ITPR3: variants seen among roughly 807,000 people sequenced by gnomAD.
The protein encoded by ITPR3 is inositol 1,4,5-trisphosphate-gated calcium channel ITPR3.
In ITPR3, 173 loss-of-function variants were observed where a neutral mutation model predicts 293.2. That is an observed-to-expected ratio of 0.59 (90% CI 0.52 to 0.67). The LOEUF (loss-of-function observed/expected upper bound fraction) is 0.67. Ranked by LOEUF, ITPR3 falls within the 30% of genes least tolerant of loss-of-function variation. The pLI, the probability that ITPR3 is intolerant of heterozygous loss-of-function variation, is 0.00. For synonymous variants in ITPR3, 1,295 were observed against 1,444.4 expected (o/e 0.90, Z 2.35); for missense variants, 2,796 against 3,592.1 (o/e 0.78, Z 5.66).
chr6:33,689,705 A>G (rs1765338199), intron 50 of ITPR3, among the ~76,000 whole-genome samples: 1 of 152,256 alleles, frequency 6.6e-6, no homozygotes, highest in Admixed American at 6.5e-5. Flanking sequence ...AGGCACTGCT[A>G]CGCGGCAGAC....
In ITPR3 at chr6:33,688,418, G is replaced by A; in HGVS notation, c.6555G>A (p.Gln2185=). The stretch of plus-strand genomic sequence containing the variant: ...TCCTGCACAACGAGATGGAGTGGCA[G>A]CGCAAGCTCCGCAGTGAGGACCCAC... The part of the protein sequence containing the change: ...SSFLHNEMEW[Q]RKLRSMPLIY... The change falls in exon 48 of 58, where the codon CAG becomes CAA. Residue 2185 remains glutamine (Q), a synonymous_variant. Coordinates refer to ENST00000605930, the MANE Select transcript of ITPR3 (RefSeq NM_002224.4). The A allele has an allele frequency of 8.0e-7, 1 of 1,257,214 alleles. No individual in the cohort carries two copies. 77.9% of individuals were successfully genotyped at this position (1,257,214 alleles called of 1,614,324 possible). A position where few individuals can be genotyped will look rare whatever the true frequency, so the allele number is the denominator to read the frequency against.
intron 7 of ITPR3, among the ~76,000 whole-genome samples, chr6:33,661,600 C>T (rs1057277125): frequency 1.3e-5 from 2 of 152,206 alleles, no homozygotes; most frequent in Non-Finnish European, 2.9e-5. Context: ...TTATAATCCT[C>T]ACAATTTCTG....
At chr6:33,657,808 A>T in intron 3 of ITPR3, 124 bp from the exon 4 acceptor site, 1 of 737,012 alleles carries the variant, frequency 1.4e-6, no homozygotes, top group Admixed American at 2.2e-5. Context: ...CCTGGAGTCC[A>T]GGGTGACTGT....
At chr6:33,676,620 A>G in intron 25 of ITPR3, 148 bp from the exon 26 acceptor site, 1 of 950,646 alleles carries the variant, frequency 1.1e-6, no homozygotes, top group Non-Finnish European at 1.6e-6. Flanking sequence ...TGGCAGAGCC[A>G]GAAACATTGA....
At chr6:33,651,985 T>C (rs1764201913) in intron 2 of ITPR3, among the ~76,000 whole-genome samples, 1 of 152,150 alleles carries the variant, frequency 6.6e-6, no homozygotes, top group Non-Finnish European at 1.5e-5. Context: ...CTGTCTGGAC[T>C]AGGGTTCGAA....
chr6:33,677,160 C>G (rs960285957), intron 27 of ITPR3, 71 bp downstream of exon 27: 2 of 1,360,016 alleles, frequency 1.5e-6, no homozygotes, highest in Non-Finnish European at 1.0e-6. Flanking sequence ...GCTGGCCCGG[C>G]CCCCTGTGCC....
chr6:33,686,801 T>A (rs981397364), intron 43 of ITPR3, among the ~76,000 whole-genome samples: 6 of 152,162 alleles, frequency 3.9e-5, no homozygotes, highest in African/African-American at 1.2e-4. Context: ...TAGCTGAGTG[T>A]TTGCCACAGC....
chr6:33,663,623 G>A, intron 10 of ITPR3, 73 bp downstream of exon 10: 1 of 1,604,072 alleles, frequency 6.2e-7, no homozygotes. Flanking sequence ...GGGAGGCCGT[G>A]AAAACCTGGG....
rs1335836566 is a variant in ITPR3, at chr6:33,669,128, CACG to C, written c.2166_2168del (p.Asp722del). The C allele has an allele frequency of 1.2e-6, 2 of 1,613,918 alleles. No homozygotes were observed. Among genetic ancestry groups the C allele is most frequent in the Non-Finnish European group, 1.7e-6 (2 of 1,179,982 alleles). On this transcript the variant is annotated inframe_deletion, in exon 18 of 58. Transcript: ENST00000605930. The stretch of plus-strand genomic sequence containing the variant: ...CCAGGAGGCGCGGGCCGGCAACGCC[CACG>C]ACGAGAATGTGCTCAGCTACTACAG...
intron 2 of ITPR3, among the ~76,000 whole-genome samples, chr6:33,643,373 G>A (rs1763992769): frequency 6.6e-6 from 1 of 152,182 alleles, no homozygotes. Context: ...TCCCTGCATG[G>A]CTCCTTGCTT....
At position 33,621,488 on chromosome 6, in the gene ITPR3, A is replaced by C. The variant is rs2151271143; in HGVS notation, c.-115A>C. 1 of 670,948 alleles carries C rather than the reference A, an allele frequency of 1.5e-6. No individual in the cohort carries two copies. The highest frequency in any genetic ancestry group is 2.5e-6 in the Non-Finnish European group (1 of 402,730). The allele number at this position is 670,948 out of a possible 1,614,324, so 41.6% of individuals were successfully genotyped here. A position where few individuals can be genotyped will look rare whatever the true frequency, so the allele number is the denominator to read the frequency against. On this transcript the variant is annotated 5_prime_UTR_variant, in exon 1 of 58. Transcript: ENST00000605930. The surrounding 1 kb of genome is among the most constrained non-coding windows in gnomAD (Gnocchi z 7.7). ...CGCCCCGGCCGCACCGAGCGTCGGGATCCGAGGTGGGAGCGTACCCCTCCC... is the reference window on the plus strand; with the variant it reads ...CGCCCCGGCCGCACCGAGCGTCGGGCTCCGAGGTGGGAGCGTACCCCTCCC...
rs150616390 is a variant in ITPR3 at position 33,689,239 on chromosome 6, C to T, written c.6696C>T (p.Gly2232=). The change falls in exon 50 of 58, where the codon GGC becomes GGT. Residue 2232 remains glycine, a splice_region_variant and synonymous_variant. Transcript: ENST00000605930. ...FYPYMEGAST[G]VLDSPLISLL... The stretch of plus-strand genomic sequence containing the variant: ...GCTCACCCTGCCCCTGGCCCCCAGG[C>T]GTGCTGGACTCCCCTCTCATCTCAT... 713 of 1,608,818 alleles carry T rather than the reference C, an allele frequency of 4.4e-4. 2 individuals are homozygous for T. The African/African-American group carries it at 6.6e-3, about 15-fold the overall frequency.
rs1456229315 is a variant in ITPR3 at position 33,672,919 on chromosome 6, A to G, written c.2929-672A>G. ...GGAAGGGGCTCATCCCCGAGGAGGG[A>G]TGAGGATGCTTGCTTTTGCCTTGCT... On this transcript the variant is annotated intron_variant, in intron 22 of 57. Coordinates refer to ENST00000605930, the MANE Select transcript of ITPR3 (RefSeq NM_002224.4). This position sits in a 1 kb window ranked among gnomAD's most constrained non-coding sequence, Gnocchi z 5.0. 6.6e-6 allele frequency among the ~76,000 whole-genome samples: 1 copy of G among 152,118 alleles called. No individual in the cohort carries two copies. The highest frequency in any genetic ancestry group is 2.4e-5 in the African/African-American group (1 of 41,432).
chr6:33,647,683 A>G (rs1265013869), intron 2 of ITPR3, among the ~76,000 whole-genome samples: 2 of 152,090 alleles, frequency 1.3e-5, no homozygotes, highest in Non-Finnish European at 2.9e-5. Flanking sequence ...ATCTGTCAGA[A>G]TTTCTCTCTT....
Position 33,633,569 on chromosome 6 carries a change from G to T in ITPR3, c.90-6915G>T, listed in dbSNP as rs1293006984. On this transcript the variant is annotated intron_variant, in intron 1 of 57. Transcript: ENST00000605930. This position sits in a 1 kb window ranked among gnomAD's most constrained non-coding sequence, Gnocchi z 5.2. Reference sequence around the variant, plus strand: ...GACGAGCGGGGGAGAGCAGGAAAGCGCGGGCGCAGCGGCACATCACCCGCC... The same window carrying T: ...GACGAGCGGGGGAGAGCAGGAAAGCTCGGGCGCAGCGGCACATCACCCGCC... 2.0e-5 allele frequency among the ~76,000 whole-genome samples: 3 copies of T among 151,870 alleles called. No homozygotes were observed.
chr6:33,668,625 T>A lies in ITPR3; in HGVS notation c.1997T>A (p.Ile666Asn). 1 of 1,614,198 alleles carries A rather than the reference T, an allele frequency of 6.2e-7. No individual in the cohort carries two copies. The highest frequency in any genetic ancestry group is 1.7e-5 in the Admixed American group (1 of 60,024). Residue 666 changes from isoleucine (I) to asparagine (N), a missense_variant, in exon 17 of 58, where the codon ATC (isoleucine) becomes AAC (asparagine). Coordinates refer to ENST00000605930, the MANE Select transcript of ITPR3 (RefSeq NM_002224.4). Reference protein sequence around the residue: ...VLDPKNSDILIRTELRPVKEM... With the variant: ...VLDPKNSDILNRTELRPVKEM... ...GACCCCAAGAACAGTGACATTCTCA[T>A]CCGGACCGAGTGAGCCCTGTGCCCC...
Position 33,672,080 on chromosome 6 carries a change from T to C in ITPR3, c.2780T>C (p.Met927Thr). ...GGCGTGGGGCACATGATGTCCACCA[T>C]GGTGCTGAGCCGCAAGCAGTCCGTC... ...IQGVGHMMSTMVLSRKQSVFS... is the reference protein window; with the variant it reads ...IQGVGHMMSTTVLSRKQSVFS... Residue 927 changes from methionine (M) to threonine (T), a missense_variant, in exon 22 of 58, where the codon ATG (methionine) becomes ACG (threonine). Coordinates refer to ENST00000605930, the MANE Select transcript of ITPR3 (RefSeq NM_002224.4). The surrounding 1 kb of genome is among the most constrained non-coding windows in gnomAD (Gnocchi z 5.0). The C allele has an allele frequency of 6.2e-7, 1 of 1,613,656 alleles. No homozygotes were observed. Among genetic ancestry groups the C allele is most frequent in the Non-Finnish European group, 8.5e-7 (1 of 1,179,784 alleles).
chr6:33,675,946 A>C lies in ITPR3; in HGVS notation c.3282+90A>C. The C allele has an allele frequency of 4.3e-6, 6 of 1,403,224 alleles. No individual in the cohort carries two copies. Among genetic ancestry groups the C allele is most frequent in the Non-Finnish European group, 5.7e-6 (6 of 1,059,212 alleles). The allele number at this position is 1,403,224 out of a possible 1,614,324, so 86.9% of individuals were successfully genotyped here. ...ACGATGATTGAGGAGCTCACAGCTC[A>C]AGGGGTAACTTGGGATGCCCATTTG... On this transcript the variant is annotated intron_variant, in intron 25 of 57. Coordinates refer to ENST00000605930, the MANE Select transcript of ITPR3 (RefSeq NM_002224.4). The surrounding 1 kb of genome is among the most constrained non-coding windows in gnomAD (Gnocchi z 5.0).
In ITPR3 at chr6:33,654,268, A is replaced by G. The variant is rs903632822; in HGVS notation, c.161-1498A>G. Among the ~76,000 whole-genome samples, 1 of 151,924 alleles carries G rather than the reference A, an allele frequency of 6.6e-6. No individual in the cohort carries two copies. The highest frequency in any genetic ancestry group is 2.1e-4 in the South Asian group (1 of 4,798). ...GAGCTACAGAGTGAGACCGTGTCTC[A>G]AAAAAAATAAGAAAAATAAAAAAAA... On this transcript the variant is annotated intron_variant, in intron 2 of 57. Transcript: ENST00000605930. The surrounding 1 kb of genome is among the most constrained non-coding windows in gnomAD (Gnocchi z 4.1).
Sources: gnomAD v4.1 joint callset for allele counts (sites outside exome capture counted in the v4.1 genomes callset) on GRCh38, gnomAD v4.1.1 for gene constraint, Gnocchi (gnomAD v3.1) non-coding constraint, MANE v1.5 for transcripts, NCBI Gene and HGNC (gene_info 2026-07-23, HGNC 2026-07-21) for gene names.